CRB1: variants seen among roughly 807,000 people sequenced by gnomAD.
CRB1 encodes crumbs cell polarity complex component 1.
A neutral mutation model predicts 120.0 loss-of-function variants in CRB1; 83 were observed. The observed-to-expected ratio is 0.69, with a 90% CI of 0.58 to 0.83. The LOEUF is 0.83. Among genes scored for constraint, CRB1 ranks in the 40% least tolerant of loss-of-function variants. The pLI is 0.00. For synonymous variants in CRB1, 625 were observed against 612.5 expected (o/e 1.02, Z -0.30); for missense variants, 1,699 against 1,687.6 (o/e 1.01, Z -0.12).
intron 1 of CRB1, among the ~76,000 whole-genome samples, chr1:197,306,285 A>G (rs1423560398): frequency 6.6e-6 from 1 of 152,144 alleles, no homozygotes; most frequent in Non-Finnish European, 1.5e-5. Flanking sequence ...AGGGAAATTG[A>G]ATGGTCAAAG....
At chr1:197,355,166 C>T (rs900475922) in intron 4 of CRB1, among the ~76,000 whole-genome samples, 8 of 151,474 alleles carry the variant, frequency 5.3e-5, no homozygotes, top group Admixed American at 1.3e-4. Context: ...ATTTACAATC[C>T]CTTAGCTAGA....
At chr1:197,408,712 G>C (rs1014002095) in intron 5 of CRB1, among the ~76,000 whole-genome samples, 1 of 152,050 alleles carries the variant, frequency 6.6e-6, no homozygotes, top group African/African-American at 2.4e-5. Context: ...ATTCACTTTT[G>C]ACAAGACAAG....
intron 9 of CRB1, among the ~76,000 whole-genome samples, chr1:197,436,343 T>G (rs1489016390): frequency 1.3e-5 from 2 of 152,070 alleles, no homozygotes; most frequent in Non-Finnish European, 2.9e-5. Flanking sequence ...ATTGTCTTCA[T>G]GTTGATTAGG....
chr1:197,210,122 A>ATT, the CRB1 span, among the ~76,000 whole-genome samples: 1 of 152,202 alleles, frequency 6.6e-6, no homozygotes, highest in African/African-American at 2.4e-5. Flanking sequence ...CTATGGAGAA[A>ATT]TTATTAGTTA....
chr1:197,224,720 C>T, the CRB1 span, among the ~76,000 whole-genome samples: 1 of 152,030 alleles, frequency 6.6e-6, no homozygotes, highest in Non-Finnish European at 1.5e-5. Flanking sequence ...GCTGAAGATA[C>T]AGTCCTACTT....
At chr1:197,435,646 G>A in intron 9 of CRB1, 34 bp downstream of exon 9, 1 of 1,555,944 alleles carries the variant, frequency 6.4e-7, no homozygotes, top group Non-Finnish European at 8.8e-7. Flanking sequence ...CTTGGTCTTT[G>A]AAGCTATACT....
At chr1:197,231,018 A>G in the CRB1 span, among the ~76,000 whole-genome samples, 14 of 152,200 alleles carry the variant, frequency 9.2e-5, no homozygotes, top group African/African-American at 3.1e-4. Context: ...TAAGTGTTAT[A>G]CAAATGTTTA....
chr1:197,268,475 C>T lies in CRB1; in HGVS notation c.63C>T (p.Tyr21=). 1 of 1,610,092 alleles carries T rather than the reference C, an allele frequency of 6.2e-7. No homozygotes were observed. Among genetic ancestry groups the T allele is most frequent in the Non-Finnish European group, 8.5e-7 (1 of 1,176,356 alleles). Residue 21 remains tyrosine, a synonymous_variant, in exon 1 of 12, where the codon TAC becomes TAT. Transcript: ENST00000367400. ...ACCTCAGTTTCTCACTGCTTATCTA[C>T]ATAAAAAGTAAGCCTTTCCCACTTT... ...IFYLSFSLLI[Y]IKNSFCNKNN...
intron 5 of CRB1, among the ~76,000 whole-genome samples, chr1:197,412,062 AG>A (rs1009054210): frequency 3.3e-5 from 5 of 152,228 alleles, no homozygotes; most frequent in Non-Finnish European, 7.3e-5. Flanking sequence ...AGTGTGTGAA[AG>A]AATATATTTG....
chr1:197,242,322 A>G, the CRB1 span, among the ~76,000 whole-genome samples: 2 of 152,196 alleles, frequency 1.3e-5, no homozygotes, highest in East Asian at 1.9e-4. Context: ...TTTGTCATAT[A>G]TAGCTCTTAT....
At chr1:197,357,839 T>G (rs1314921227) in intron 5 of CRB1, 1 of 152,218 alleles carries the variant, frequency 6.6e-6, no homozygotes, top group Non-Finnish European at 1.5e-5. Context: ...TTAATGGTCT[T>G]TGATTTGTGG....
At chr1:197,294,567 A>G (rs1450706695) in intron 1 of CRB1, among the ~76,000 whole-genome samples, 8 of 152,146 alleles carry the variant, frequency 5.3e-5, no homozygotes, top group African/African-American at 1.7e-4. Context: ...TATATACCCA[A>G]TGGATTATAA....
At chr1:197,458,292 G>GT (rs1414264339) in intron 11 of CRB1, among the ~76,000 whole-genome samples, 1 of 151,994 alleles carries the variant, frequency 6.6e-6, no homozygotes, top group Non-Finnish European at 1.5e-5. Flanking sequence ...AGCCACAGGA[G>GT]TTTAGGGACA....
In CRB1 at chr1:197,462,119, T is replaced by A. The variant is rs956697005; in HGVS notation, c.4006-15545T>A. On this transcript the variant is annotated intron_variant, in intron 11 of 11. Coordinates refer to ENST00000367400, the MANE Select transcript of CRB1 (RefSeq NM_201253.3). ...TTTTCCACATTTTATACACATGTAA[T>A]GTTGTCGTTCTTGATTTTGTACATG... Among the ~76,000 whole-genome samples the A allele has an allele frequency of 1.8e-4, 27 of 152,278 alleles. 1 individual carries two copies. The highest frequency in any genetic ancestry group is 1.4e-3 in the Admixed American group (22 of 15,286).
intron 1 of CRB1, among the ~76,000 whole-genome samples, chr1:197,280,764 A>T (rs771426479): frequency 6.6e-6 from 1 of 151,868 alleles, no homozygotes; most frequent in African/African-American, 2.4e-5. Context: ...TCCTTTTTCT[A>T]GTAGATATTT....
chr1:197,225,407 AACT>A, the CRB1 span, among the ~76,000 whole-genome samples: 1 of 152,252 alleles, frequency 6.6e-6, no homozygotes, highest in African/African-American at 2.4e-5. Context: ...TAGATAAATG[AACT>A]TGTGGCAGAG....
At chr1:197,239,419 A>G in the CRB1 span, among the ~76,000 whole-genome samples, 1 of 152,070 alleles carries the variant, frequency 6.6e-6, no homozygotes, top group African/African-American at 2.4e-5. Flanking sequence ...GGACATACCT[A>G]TTTAGGAATG....
intron 1 of CRB1, among the ~76,000 whole-genome samples, chr1:197,327,847 A>G (rs1409713510): frequency 2.6e-5 from 4 of 152,100 alleles, no homozygotes; most frequent in Non-Finnish European, 4.4e-5. Context: ...CTGCTTTCCA[A>G]TTGTGTACAT....
the CRB1 span, among the ~76,000 whole-genome samples, chr1:197,258,898 GTGTTAAATAT>G: frequency 5.3e-5 from 8 of 152,272 alleles, no homozygotes; most frequent in African/African-American, 1.4e-4. Flanking sequence ...GACTCAATAT[GTGTTAAATAT>G]TGTAAGGTTA....
Sources: gnomAD v4.1 joint callset for allele counts (sites outside exome capture counted in the v4.1 genomes callset) on GRCh38, gnomAD v4.1.1 for gene constraint, MANE v1.5 for transcripts, NCBI Gene and HGNC (gene_info 2026-07-23, HGNC 2026-07-21) for gene names.